The following PDE10A variants were observed in gnomAD, a reference collection of about 807,000 sequenced individuals.
PDE10A encodes cAMP and cAMP-inhibited cGMP 3',5'-cyclic phosphodiesterase 10A.
PDE10A carries 39 observed loss-of-function variants against 97.7 expected under a neutral mutation model. The ratio of observed to expected loss-of-function variants is 0.40; its 90% CI spans 0.31 to 0.52. The LOEUF (loss-of-function observed/expected upper bound fraction) is 0.52. Among genes scored for constraint, PDE10A ranks in the 20% least tolerant of loss-of-function variants. PDE10A has a pLI of 0.56. For missense variants in PDE10A, 731 were observed against 1,047.8 expected (o/e 0.70, Z 4.17); for synonymous variants, 371 against 376.8 (o/e 0.98, Z 0.18).
At chr6:165,854,059 A>G (rs755472328) in intron 1 of PDE10A, among the ~76,000 whole-genome samples, 1 of 152,126 alleles carries the variant, frequency 6.6e-6, no homozygotes, top group South Asian at 2.1e-4. Flanking sequence ...GCTGCGCTGG[A>G]CCCAGACAGA....
intron 17 of PDE10A, among the ~76,000 whole-genome samples, chr6:165,381,130 A>G (rs533865721): frequency 3.3e-5 from 5 of 152,326 alleles, no homozygotes; most frequent in South Asian, 4.1e-4. Context: ...TTAAAAAGAA[A>G]TATCTCTAAA....
At chr6:165,821,592 C>T (rs116533031) in intron 1 of PDE10A, among the ~76,000 whole-genome samples, 1 of 152,190 alleles carries the variant, frequency 6.6e-6, no homozygotes, top group African/African-American at 2.4e-5. Context: ...GATCTCAGCT[C>T]ACTACAACCT....
chr6:165,501,274 TGAG>T (rs1315972700), intron 2 of PDE10A, among the ~76,000 whole-genome samples: 4 of 152,154 alleles, frequency 2.6e-5, no homozygotes, highest in African/African-American at 9.7e-5. Context: ...TAAAAAGTTC[TGAG>T]GAGGCCAGGC....
intron 1 of PDE10A, among the ~76,000 whole-genome samples, chr6:165,767,623 A>G (rs138834875): frequency 0.01 from 1,591 of 152,318 alleles, 19 homozygotes; most frequent in Middle Eastern, 0.02. Flanking sequence ...TCAGAATTGC[A>G]TTCCTTTTTA....
At chr6:165,431,588 T>G in intron 7 of PDE10A, 116 bp from the exon 8 acceptor site, 1 of 292,050 alleles carries the variant, frequency 3.4e-6, no homozygotes, top group Non-Finnish European at 6.2e-6. Flanking sequence ...ATACTATATA[T>G]AGTATACTAT....
At chr6:165,459,489 TTAGA>T (rs147229263) in intron 3 of PDE10A, among the ~76,000 whole-genome samples, 2,578 of 146,852 alleles carry the variant, frequency 0.018, 24 homozygotes, top group East Asian at 0.047. Flanking sequence ...TTCTAATGCA[TTAGA>T]TAGATAGATA....
intron 1 of PDE10A, among the ~76,000 whole-genome samples, chr6:165,692,673 G>T (rs982378278): frequency 1.3e-5 from 2 of 152,168 alleles, no homozygotes; most frequent in Non-Finnish European, 1.5e-5. Context: ...CGGCAGTAAC[G>T]CATGCTGTAC....
intron 1 of PDE10A, among the ~76,000 whole-genome samples, chr6:165,772,791 A>G (rs1159729250): frequency 6.6e-6 from 1 of 152,192 alleles, no homozygotes; most frequent in Non-Finnish European, 1.5e-5. Flanking sequence ...GAAAAATCCG[A>G]AAGACAGAAT....
At chr6:165,677,988 T>C (rs541912371) in intron 1 of PDE10A, among the ~76,000 whole-genome samples, 116 of 151,898 alleles carry the variant, frequency 7.6e-4, no homozygotes, top group Admixed American at 2.5e-3. Context: ...TGTGTTTGTA[T>C]ACCCATGTGT....
intron 1 of PDE10A, among the ~76,000 whole-genome samples, chr6:165,656,124 C>T (rs966678036): frequency 7.2e-5 from 11 of 151,886 alleles, no homozygotes; most frequent in Non-Finnish European, 1.2e-4. Context: ...CAAGCAGAGA[C>T]GATCCCTACT....
At chr6:165,604,565 G>A (rs1787120460) in intron 1 of PDE10A, among the ~76,000 whole-genome samples, 1 of 150,038 alleles carries the variant, frequency 6.7e-6, no homozygotes, top group African/African-American at 2.5e-5. Flanking sequence ...AGCATGCAGA[G>A]ATAGCTACAC....
intron 5 of PDE10A, among the ~76,000 whole-genome samples, chr6:165,441,732 C>T (rs1467593757): frequency 6.6e-6 from 1 of 152,160 alleles, no homozygotes; most frequent in Non-Finnish European, 1.5e-5. Flanking sequence ...CCCAGGCTGT[C>T]GGGCTCATCA....
intron 2 of PDE10A, among the ~76,000 whole-genome samples, chr6:165,527,140 C>T (rs752649872): frequency 5.9e-5 from 9 of 152,154 alleles, no homozygotes; most frequent in Non-Finnish European, 1.2e-4. Flanking sequence ...CAAGATATTC[C>T]CTCTAAGGTG....
At chr6:165,478,535 C>T (rs1372373814) in intron 3 of PDE10A, among the ~76,000 whole-genome samples, 1 of 152,166 alleles carries the variant, frequency 6.6e-6, no homozygotes, top group Non-Finnish European at 1.5e-5. Flanking sequence ...AGACATCAAA[C>T]TCCAGCCTGA....
At chr6:165,621,771 A>AG (rs1554297070) in intron 1 of PDE10A, among the ~76,000 whole-genome samples, 50 of 134,790 alleles carry the variant, frequency 3.7e-4, no homozygotes, top group African/African-American at 1.2e-3. Context: ...AAGAAAAAAA[A>AG]AAGAAGAAGA....
intron 1 of PDE10A, among the ~76,000 whole-genome samples, chr6:165,958,844 C>A (rs1239513826): frequency 6.6e-6 from 1 of 152,206 alleles, no homozygotes; most frequent in Non-Finnish European, 1.5e-5. Context: ...ATATTCCACA[C>A]CCTCCGGCAG....
intron 13 of PDE10A, among the ~76,000 whole-genome samples, chr6:165,405,805 T>C (rs1000209708): frequency 1.3e-5 from 2 of 152,136 alleles, no homozygotes; most frequent in African/African-American, 2.4e-5. Context: ...CCTAGTGTCA[T>C]AGCTGAAGGA....
Position 165,638,749 on chromosome 6 carries a change from T to C in PDE10A, c.865+23198A>G, listed in dbSNP as rs527711991. 2.0e-5 allele frequency among the ~76,000 whole-genome samples: 3 copies of C among 152,336 alleles called. No homozygotes were observed. In the East Asian group the frequency reaches 5.8e-4, roughly 29 times the overall value. ...CCCACACAACACCCACATTGCATAA[T>C]AAGCTATGTATTTAGTTGCCTACCT... On this transcript the variant is annotated intron_variant, in intron 1 of 21. Coordinates refer to ENST00000539869, the MANE Select transcript of PDE10A (RefSeq NM_001385079.1).
At chr6:165,799,073 A>T (rs1778908945) in intron 1 of PDE10A, among the ~76,000 whole-genome samples, 1 of 152,238 alleles carries the variant, frequency 6.6e-6, no homozygotes, top group Non-Finnish European at 1.5e-5. Flanking sequence ...AAAATTGAAG[A>T]CAACAGGCTC....
Sources: allele counts gnomAD v4.1 joint callset (sites outside exome capture counted in the v4.1 genomes callset), GRCh38; gene constraint gnomAD v4.1.1; transcripts MANE v1.5; gene names NCBI Gene and HGNC (gene_info 2026-07-23, HGNC 2026-07-21).